The following NINJ2 variants were observed in gnomAD, a reference collection of about 807,000 sequenced individuals.
NINJ2 encodes the protein ninjurin 2.
Under a neutral mutation model 11.7 loss-of-function variants are expected in NINJ2, and 12 were observed. The observed-to-expected ratio is 1.02, with a 90% confidence interval of 0.66 to 1.66. The LOEUF (loss-of-function observed/expected upper bound fraction) is 1.66. Ranked by LOEUF, NINJ2 falls within the 40% of genes most tolerant of loss-of-function variation. The pLI is 0.00. For synonymous variants in NINJ2, 93 were observed against 76.8 expected, an observed-to-expected ratio of 1.21 and a Z score of -1.10; for missense variants, 187 against 181.8, an observed-to-expected ratio of 1.03 and a Z score of -0.16.
chr12:582,292 CGCAG>C (rs762193206), intron 1 of NINJ2, among the ~76,000 whole-genome samples: 1,737 of 98,416 alleles, frequency 0.018, 7 homozygotes, highest in African/African-American at 0.029. Flanking sequence ...AATGAATGGA[CGCAG>C]GCAGGCAGGC....
At chr12:608,778 C>T (rs1202016732) in intron 1 of NINJ2, among the ~76,000 whole-genome samples, 1 of 152,176 alleles carries the variant, frequency 6.6e-6, no homozygotes, top group African/African-American at 2.4e-5. Flanking sequence ...CTGGATTCTA[C>T]GTCCTGATGC....
In NINJ2 at chr12:585,177, A is replaced by G. The variant is rs747788719; in HGVS notation, c.34-18999T>C. On this transcript the variant is annotated intron_variant, in intron 1 of 3. Coordinates refer to ENST00000305108, the MANE Select transcript of NINJ2 (RefSeq NM_016533.6). The surrounding 1 kb of genome is among the most constrained non-coding windows in gnomAD (Gnocchi z 4.1). ...TCGCTAAGGCTGCATTTCCACCGCC[A>G]TGAAATGGAGGCTGTCTCTGCAGTG... 3.9e-5 allele frequency among the ~76,000 whole-genome samples: 6 copies of G among 152,256 alleles called. No homozygotes were observed. Among genetic ancestry groups the G allele is most frequent in the African/African-American group, 7.2e-5 (3 of 41,474 alleles).
rs143211938 is a variant in NINJ2, at chr12:570,870, G to A, written c.34-4692C>T. On this transcript the variant is annotated intron_variant, in intron 1 of 3. Transcript: ENST00000305108. The stretch of plus-strand genomic sequence containing the variant: ...GCTCTGCCTCTGGGCTTGGAACTTT[G>A]GTGCTGAGTTTCCACATCTATAAAA... Among the ~76,000 whole-genome samples, 332 of 152,328 alleles carry A rather than the reference G, an allele frequency of 2.2e-3. 2 individuals are homozygous for A. The highest frequency in any genetic ancestry group is 4.0e-3 in the Non-Finnish European group (270 of 68,026).
rs187375559 is a variant in NINJ2 at position 600,770 on chromosome 12, C to A, written c.34-34592G>T. On this transcript the variant is annotated intron_variant, in intron 1 of 3. Transcript: ENST00000305108. ...CATCATAGCTCACGGCAACCTTGAC[C>A]TCCCGAGCTCAGGCAATCCTCCCAC... 2.0e-5 allele frequency among the ~76,000 whole-genome samples: 3 copies of A among 151,786 alleles called. No individual in the cohort carries two copies. The East Asian group carries it at 5.9e-4, about 30-fold the overall frequency.
intron 1 of NINJ2, among the ~76,000 whole-genome samples, chr12:654,735 A>G (rs1937848844): frequency 6.6e-6 from 1 of 152,012 alleles, no homozygotes; most frequent in Admixed American, 6.6e-5. Flanking sequence ...TCTACTAAAA[A>G]TACAAAATTA....
In NINJ2 at chr12:565,231, G is replaced by A. The variant is rs1173549797; in HGVS notation, c.*4C>T. The stretch of plus-strand genomic sequence containing the variant: ...TCCTCCCTCACCTGGGTCCCAGGCT[G>A]CATTCAGAGAGGATTCCTTGAGGCC... On this transcript the variant is annotated 3_prime_UTR_variant, in exon 3 of 4. Transcript: ENST00000305108. The A allele has an allele frequency of 6.2e-7, 1 of 1,612,346 alleles. No homozygotes were observed. The highest frequency in any genetic ancestry group is 2.2e-5 in the East Asian group (1 of 44,870).
chr12:662,409 C>CAAGAGAGAGA (rs1555168107), intron 1 of NINJ2, among the ~76,000 whole-genome samples: 4 of 147,520 alleles, frequency 2.7e-5, no homozygotes, highest in Admixed American at 2.7e-4. Flanking sequence ...ACACAGAGAA[C>CAAGAGAGAGA]GAGAGAGAGA....
intron 1 of NINJ2, among the ~76,000 whole-genome samples, chr12:587,126 C>T (rs575595838): frequency 2.0e-5 from 3 of 152,220 alleles, no homozygotes; most frequent in Admixed American, 6.5e-5. Flanking sequence ...AGGCTCAGCC[C>T]TTCCTGTGGA....
intron 1 of NINJ2, among the ~76,000 whole-genome samples, chr12:601,514 C>G (rs944881254): frequency 6.8e-6 from 1 of 147,114 alleles, no homozygotes; most frequent in African/African-American, 2.5e-5. Context: ...GGCCACTGCA[C>G]TCCAGCCTGG....
chr12:635,333 G>GAGCC (rs1948337559), intron 1 of NINJ2, among the ~76,000 whole-genome samples: 2 of 147,006 alleles, frequency 1.4e-5, no homozygotes, highest in Non-Finnish European at 1.5e-5. Context: ...TTACAGGCAT[G>GAGCC]AGCCACCAGG....
chr12:595,963 TA>T (rs1028457625), intron 1 of NINJ2, among the ~76,000 whole-genome samples: 1 of 152,172 alleles, frequency 6.6e-6, no homozygotes, highest in Admixed American at 6.5e-5. Flanking sequence ...AAGTGCATAT[TA>T]AAACAACAAT....
At chr12:588,221 C>T (rs1010260660) in intron 1 of NINJ2, among the ~76,000 whole-genome samples, 1 of 145,320 alleles carries the variant, frequency 6.9e-6, no homozygotes, top group Admixed American at 6.8e-5. Context: ...ACGGAGGGGA[C>T]GGAAGGGACA....
At chr12:576,706 G>A (rs571727068) in intron 1 of NINJ2, among the ~76,000 whole-genome samples, 18 of 152,210 alleles carry the variant, frequency 1.2e-4, no homozygotes, top group African/African-American at 4.1e-4. Flanking sequence ...GCAAGAGGCC[G>A]TTTTGCCAGT....
chr12:661,634 T>G (rs1937959269), intron 1 of NINJ2, among the ~76,000 whole-genome samples: 1 of 152,236 alleles, frequency 6.6e-6, no homozygotes. Flanking sequence ...TAACTCTGGA[T>G]CGTTCAACCC....
rs1947620620 is a variant in NINJ2 at position 585,484 on chromosome 12, C to CGGTTGGAGGGAAGGGAAGGGAAT, written c.34-19307_34-19306insATTCCCTTCCCTTCCCTCCAACC. Among the ~76,000 whole-genome samples the CGGTTGGAGGGAAGGGAAGGGAAT allele has an allele frequency of 7.5e-5, 2 of 26,556 alleles. No individual in the cohort carries two copies. The highest frequency in any genetic ancestry group is 2.5e-4 in the African/African-American group (2 of 8,130). The allele number at this position is 26,556 out of a possible 152,430, so 17.4% of individuals were successfully genotyped here. A position where few individuals can be genotyped will look rare whatever the true frequency, so the allele number is the denominator to read the frequency against. The stretch of plus-strand genomic sequence containing the variant: ...GCAGGCAACGGTTGGAGGAAGGGAA[C>CGGTTGGAGGGAAGGGAAGGGAAT]GGTTGGAGGGAAGGGAAGGGAACGG... On this transcript the variant is annotated intron_variant, in intron 1 of 3. Coordinates refer to ENST00000305108, the MANE Select transcript of NINJ2 (RefSeq NM_016533.6). The surrounding 1 kb of genome is among the most constrained non-coding windows in gnomAD (Gnocchi z 4.1).
At chr12:590,289 C>A (rs970771870) in intron 1 of NINJ2, among the ~76,000 whole-genome samples, 1 of 152,062 alleles carries the variant, frequency 6.6e-6, no homozygotes, top group African/African-American at 2.4e-5. Context: ...GGGAGCCCTG[C>A]TGGAGGTCTG....
Position 640,172 on chromosome 12 carries a change from G to A in NINJ2, c.33+23156C>T, listed in dbSNP as rs1948401875. ...GGCAGTAATGATCTCACAAAAGCAG[G>A]AAAGCTGAGCAGTCAGTCACATGAT... On this transcript the variant is annotated intron_variant, in intron 1 of 3. Transcript: ENST00000305108. The surrounding 1 kb of genome is among the most constrained non-coding windows in gnomAD (Gnocchi z 4.0). Among the ~76,000 whole-genome samples, 2 of 152,214 alleles carry A rather than the reference G, an allele frequency of 1.3e-5. No individual in the cohort carries two copies. The highest frequency in any genetic ancestry group is 4.8e-5 in the African/African-American group (2 of 41,466).
At chr12:588,360 C>T (rs754781269) in intron 1 of NINJ2, among the ~76,000 whole-genome samples, 9 of 152,156 alleles carry the variant, frequency 5.9e-5, no homozygotes, top group South Asian at 4.2e-4. Flanking sequence ...ACATCAAATC[C>T]GGAAGCCATA....
At chr12:616,569 C>G (rs1486935994) in intron 1 of NINJ2, among the ~76,000 whole-genome samples, 1 of 152,300 alleles carries the variant, frequency 6.6e-6, no homozygotes, top group Non-Finnish European at 1.5e-5. Flanking sequence ...ATGACGGTGA[C>G]AGTGCTGCAG....
Sources: allele counts gnomAD v4.1 joint callset (sites outside exome capture counted in the v4.1 genomes callset), GRCh38; gene constraint gnomAD v4.1.1; non-coding constraint Gnocchi (gnomAD v3.1); transcripts MANE v1.5; gene names NCBI Gene and HGNC (gene_info 2026-07-23, HGNC 2026-07-21).